Variants in TNKS observed in about 807,000 individuals in gnomAD.
TNKS encodes poly [ADP-ribose] polymerase tankyrase-1.
TNKS carries 72 observed loss-of-function variants against 135.8 expected under a neutral mutation model. That is an observed-to-expected ratio of 0.53 (90% CI 0.44 to 0.64). The LOEUF (loss-of-function observed/expected upper bound fraction) is 0.64, where lower values mean the gene tolerates loss of function less well. TNKS is among the 30% of genes least tolerant of loss of function. The pLI is 0.00. For missense variants in TNKS, 1,769 were observed against 1,674.0 expected, an observed-to-expected ratio of 1.06 and a Z score of -0.99; for synonymous variants, 849 against 649.3, an observed-to-expected ratio of 1.31 and a Z score of -4.68.
At chr8:9,653,985 A>G (rs1184528072) in intron 3 of TNKS, among the ~76,000 whole-genome samples, 1 of 152,096 alleles carries the variant, frequency 6.6e-6, no homozygotes, top group Non-Finnish European at 1.5e-5. Context: ...TCATGGTTTG[A>G]GGAATATGGC....
rs1282316063 is a variant in TNKS, at chr8:9,763,156, C to A, written c.3284C>A (p.Pro1095His). ...RLLGGQQGTN[P>H]YLTFHCVNQG... ...TTTTTCTCTCCGACAGGCACCAATC[C>A]TTATTTGACTTTTCACTGTGTTAAT... Residue 1095 changes from proline to histidine, a missense_variant, in exon 22 of 27, where the codon CCT becomes CAT. Around this residue, in one of 5 missense-constraint regions of TNKS, gnomAD observed 722 missense variants for 688.9 expected, o/e 1.05. Coordinates refer to ENST00000310430, the MANE Select transcript of TNKS (RefSeq NM_003747.3). 6.3e-7 allele frequency: 1 copy of A among 1,584,456 alleles called. No homozygotes were observed. Among genetic ancestry groups the A allele is most frequent in the Admixed American group, 1.7e-5 (1 of 58,490 alleles).
chr8:9,678,395 GA>G (rs1192992132), intron 3 of TNKS, among the ~76,000 whole-genome samples: 13 of 152,206 alleles, frequency 8.5e-5, no homozygotes, highest in Middle Eastern at 3.4e-3. Context: ...ATAATGAAAT[GA>G]CCTTTACTCT....
intron 25 of TNKS, among the ~76,000 whole-genome samples, chr8:9,768,440 T>G (rs1399388003): frequency 6.6e-6 from 1 of 152,240 alleles, no homozygotes; most frequent in Non-Finnish European, 1.5e-5. Context: ...TGCTGGCTCC[T>G]GTCTTGCATT....
At chr8:9,746,457 A>G (rs1806240647) in intron 17 of TNKS, among the ~76,000 whole-genome samples, 1 of 152,070 alleles carries the variant, frequency 6.6e-6, no homozygotes, top group Non-Finnish European at 1.5e-5. Flanking sequence ...ATTGGCTTTT[A>G]TAGTCCTGCT....
chr8:9,688,386 T>C (rs1446059829), intron 5 of TNKS, among the ~76,000 whole-genome samples: 1 of 152,266 alleles, frequency 6.6e-6, no homozygotes, highest in Non-Finnish European at 1.5e-5. Context: ...TTAAGAATTC[T>C]GAAATTATCT....
intron 14 of TNKS, among the ~76,000 whole-genome samples, chr8:9,731,404 G>A (rs1805430200): frequency 1.5e-5 from 2 of 135,572 alleles, no homozygotes; most frequent in African/African-American, 2.7e-5. Flanking sequence ...AGGTTGCAGT[G>A]AGCTAAGATC....
In TNKS at chr8:9,775,989, C is replaced by G. The variant is rs192572394; in HGVS notation, c.3898-661C>G. On this transcript the variant is annotated intron_variant, in intron 26 of 26. Coordinates refer to ENST00000310430, the MANE Select transcript of TNKS (RefSeq NM_003747.3). ...TTCAGCAGCTTCCTCTGATCAGCCT[C>G]CTTTTTCCTGCTCCCACCAAGAAGA... Among the ~76,000 whole-genome samples, 141 of 151,116 alleles carry G rather than the reference C, an allele frequency of 9.3e-4. 1 individual carries two copies. The highest frequency in any genetic ancestry group is 8.1e-3 in the Admixed American group (123 of 15,202).
intron 25 of TNKS, among the ~76,000 whole-genome samples, chr8:9,769,028 T>G (rs1475882413): frequency 2.0e-5 from 3 of 152,248 alleles, no homozygotes; most frequent in Non-Finnish European, 4.4e-5. Context: ...TGTGATCATT[T>G]GTACTAATTT....
Position 9,590,222 on chromosome 8 carries a change from C to A in TNKS, c.898+9839C>A, listed in dbSNP as rs184311124. Among the ~76,000 whole-genome samples the A allele has an allele frequency of 8.6e-4, 131 of 152,280 alleles. 1 individual carries two copies. The highest frequency in any genetic ancestry group is 1.0e-3 in the South Asian group (5 of 4,822). On this transcript the variant is annotated intron_variant, in intron 2 of 26. Transcript: ENST00000310430. ...CCGTCTACATCATGGACTTCATCCT[C>A]ATGTCCCTGTAATTCCCTCCCTTTC...
chr8:9,772,888 C>G (rs1284114411), intron 26 of TNKS, among the ~76,000 whole-genome samples: 1 of 138,696 alleles, frequency 7.2e-6, no homozygotes, highest in Non-Finnish European at 1.5e-5. Context: ...GTGGGTGTAT[C>G]TAGTATACAG....
Position 9,666,199 on chromosome 8 carries a change from G to A in TNKS, c.995-13752G>A, listed in dbSNP as rs187372349. ...AAGCCACTCGTCACAGCTGGCTGCT[G>A]AACACGCTGCCACACGTTGAAATGG... On this transcript the variant is annotated intron_variant, in intron 3 of 26. Coordinates refer to ENST00000310430, the MANE Select transcript of TNKS (RefSeq NM_003747.3). Among the ~76,000 whole-genome samples, 4 of 152,288 alleles carry A rather than the reference G, an allele frequency of 2.6e-5. No individual in the cohort carries two copies. In the East Asian group the frequency reaches 7.7e-4, roughly 29 times the overall value.
At chr8:9,636,791 A>G (rs1005815453) in intron 3 of TNKS, among the ~76,000 whole-genome samples, 4 of 152,220 alleles carry the variant, frequency 2.6e-5, no homozygotes, top group African/African-American at 9.6e-5. Context: ...GATGGACACC[A>G]GATGAGTACT....
chr8:9,602,976 G>A (rs184370020), intron 2 of TNKS, among the ~76,000 whole-genome samples: 1 of 152,044 alleles, frequency 6.6e-6, no homozygotes. Context: ...TGAGAAACTA[G>A]GTTTACATAC....
At position 9,704,664 on chromosome 8, in the gene TNKS, C is replaced by A; in HGVS notation, c.1109C>A (p.Ser370Ter). 6.2e-7 allele frequency: 1 copy of A among 1,611,004 alleles called. No homozygotes were observed. Among genetic ancestry groups the A allele is most frequent in the South Asian group, 1.1e-5 (1 of 90,742 alleles). ...AAAGGGGATGTTTTTCTTTTCTAGT[C>A]GACTCCTTTACATCTAGCAGCGGGC... ...VNCHASDGRKSTPLHLAAGYN... is the reference protein window; with the variant it reads ...VNCHASDGRK Residue 370 changes from serine (S) to a stop codon, truncating the protein, a stop_gained and splice_region_variant, in exon 6 of 27, where the codon TCG becomes TAG. Transcript: ENST00000310430. LOFTEE classifies it high-confidence loss of function.
In TNKS at chr8:9,664,106, G is replaced by A. The variant is rs1214449924; in HGVS notation, c.995-15845G>A. Among the ~76,000 whole-genome samples the A allele has an allele frequency of 2.0e-5, 3 of 152,142 alleles. No homozygotes were observed. The East Asian group carries it at 5.8e-4, about 29-fold the overall frequency. On this transcript the variant is annotated intron_variant, in intron 3 of 26. Coordinates refer to ENST00000310430, the MANE Select transcript of TNKS (RefSeq NM_003747.3). ...TAGTCCATTTAATGTGTTGCTGTAA[G>A]GAATACCTCGAGGCTGGGTAATTTA...
rs1807336225 is a variant in TNKS at position 9,764,784 on chromosome 8, C to A, written c.3441C>A (p.Val1147=). The A allele has an allele frequency of 2.5e-6, 4 of 1,589,872 alleles. No homozygotes were observed. Among genetic ancestry groups the A allele is most frequent in the Non-Finnish European group, 3.4e-6 (4 of 1,169,754 alleles). The change falls in exon 23 of 27, where the codon GTC becomes GTA. Residue 1147 remains valine, a synonymous_variant. Coordinates refer to ENST00000310430, the MANE Select transcript of TNKS (RefSeq NM_003747.3). ...NAGGIFNRYN[V]IRIQKVVNKK... The stretch of plus-strand genomic sequence containing the variant: ...GCGGCATCTTCAACAGATACAATGT[C>A]ATTCGAGTAAGTTTTTAAAGTTTCA...
intron 2 of TNKS, 123 bp downstream of exon 2, chr8:9,580,506 C>G (rs1044392797): frequency 2.9e-5 from 24 of 822,526 alleles, no homozygotes; most frequent in Non-Finnish European, 3.9e-5. Flanking sequence ...AGAAGCAGTT[C>G]TTTTCCATCA....
intron 2 of TNKS, among the ~76,000 whole-genome samples, chr8:9,614,535 CAGA>C (rs1426762468): frequency 6.6e-6 from 1 of 152,156 alleles, no homozygotes; most frequent in Non-Finnish European, 1.5e-5. Flanking sequence ...GCTTTGTAAA[CAGA>C]AGGACTTACG....
At position 9,752,670 on chromosome 8, in the gene TNKS, AAGATT is replaced by A. The variant is rs747569163; in HGVS notation, c.3153+47_3153+51del. ...ATTTGAGTCATTTAAATTAAATACT[AAGATT>A]AGGCTGGATGCAGTGGTTCACACCT... On this transcript the variant is annotated intron_variant, in intron 20 of 26. Transcript: ENST00000310430. The A allele has an allele frequency of 4.5e-6, 6 of 1,344,488 alleles. No homozygotes were observed. The East Asian group carries it at 1.2e-4, about 26-fold the overall frequency. 83.3% of individuals were successfully genotyped at this position (1,344,488 alleles called of 1,614,324 possible).
Sources: gnomAD v4.1 joint callset for allele counts (sites outside exome capture counted in the v4.1 genomes callset) on GRCh38, gnomAD v4.1.1 for gene constraint, gnomAD v4.1.1 regional missense constraint, MANE v1.5 for transcripts, NCBI Gene and HGNC (gene_info 2026-07-23, HGNC 2026-07-21) for gene names.